The following TMED3 variants were observed in gnomAD, a reference collection of about 807,000 sequenced individuals.
The protein encoded by TMED3 is transmembrane p24 trafficking protein 3.
TMED3 carries 9 observed loss-of-function variants against 15.0 expected under a neutral mutation model. The observed-to-expected ratio is 0.60, with a 90% CI of 0.36 to 1.04. The LOEUF is 1.04. Among genes scored for constraint, TMED3 ranks in the 50% least tolerant of loss-of-function variants. TMED3 has a pLI of 0.01. For synonymous variants in TMED3, 117 were observed against 121.4 expected (o/e 0.96, Z 0.24); for missense variants, 267 against 278.9 (o/e 0.96, Z 0.30).
At chr15:79,325,936 T>C (rs1019157515), downstream of TMED3, among the ~76,000 whole-genome samples, 2 of 152,140 alleles carry the variant, frequency 1.3e-5, no homozygotes, top group African/African-American at 2.4e-5. Context: ...CCCACCCACA[T>C]TGAGGGTAGG....
At chr15:79,402,515 C>A (rs115471849) in intron 2 of TMED3, among the ~76,000 whole-genome samples, 3,426 of 152,264 alleles carry the variant, frequency 0.023, 142 homozygotes, top group African/African-American at 0.079. Flanking sequence ...CACAGGGGCT[C>A]ACACCTGTAA....
intron 2 of TMED3, among the ~76,000 whole-genome samples, chr15:79,316,627 G>A (rs936581552): frequency 6.6e-6 from 1 of 152,162 alleles, no homozygotes; most frequent in Non-Finnish European, 1.5e-5. Flanking sequence ...GGATGTCAGC[G>A]TGGAGATGGA....
chr15:79,335,950 A>G (rs1277733235), intron 2 of TMED3, among the ~76,000 whole-genome samples: 2 of 152,118 alleles, frequency 1.3e-5, no homozygotes, highest in African/African-American at 4.8e-5. Flanking sequence ...GGAACCATTA[A>G]TACTCCCATC....
In TMED3 at chr15:79,322,369, C is replaced by T. The variant is rs901081032; in HGVS notation, c.*155C>T. The stretch of plus-strand genomic sequence containing the variant: ...TTCATGCCCATGCTTGATTCTTGCA[C>T]CTCAGCAGCTGAAGGTCTCAGAGAC... On this transcript the variant is annotated 3_prime_UTR_variant, in exon 3 of 3. Transcript: ENST00000299705. 4.1e-6 allele frequency: 6 copies of T among 1,455,098 alleles called. No homozygotes were observed. The Admixed American group carries it at 1.6e-4, about 39-fold the overall frequency. 90.1% of individuals were successfully genotyped at this position (1,455,098 alleles called of 1,614,324 possible). A position where few individuals can be genotyped will look rare whatever the true frequency, so the allele number is the denominator to read the frequency against.
chr15:79,368,806 G>C (rs1419615286), intron 2 of TMED3, among the ~76,000 whole-genome samples: 1 of 151,918 alleles, frequency 6.6e-6, no homozygotes. Context: ...GCAAATATAA[G>C]GCTGGGCACA....
downstream of TMED3, among the ~76,000 whole-genome samples, chr15:79,325,604 C>T (rs1014821883): frequency 1.3e-5 from 2 of 152,154 alleles, no homozygotes; most frequent in African/African-American, 4.8e-5. Context: ...CTCACACGAT[C>T]ACAAGGTGAA....
At chr15:79,399,992 C>T (rs1018192) in intron 2 of TMED3, among the ~76,000 whole-genome samples, 1 of 152,010 alleles carries the variant, frequency 6.6e-6, no homozygotes, top group Non-Finnish European at 1.5e-5. Flanking sequence ...TTGCTGTCCA[C>T]AACCCCTGTC....
intron 2 of TMED3, among the ~76,000 whole-genome samples, chr15:79,350,159 T>G (rs987884167): frequency 5.3e-5 from 8 of 152,190 alleles, no homozygotes; most frequent in Non-Finnish European, 1.0e-4. Flanking sequence ...GATGGATAGA[T>G]GGCTGTGCGG....
At chr15:79,397,877 A>G (rs1397033109) in intron 2 of TMED3, among the ~76,000 whole-genome samples, 1 of 152,166 alleles carries the variant, frequency 6.6e-6, no homozygotes, top group Non-Finnish European at 1.5e-5. Context: ...TGAAAAATAC[A>G]GTTTCCATAT....
At position 79,322,262 on chromosome 15, in the gene TMED3, T is replaced by A. The variant is rs1331056752; in HGVS notation, c.*48T>A. The stretch of plus-strand genomic sequence containing the variant: ...CCCTCATGCCCCAGGCTGGAGCAGC[T>A]CTCCTAGGTCACAGCCTGCTGGGCT... On this transcript the variant is annotated 3_prime_UTR_variant, in exon 3 of 3. Coordinates refer to ENST00000299705, the MANE Select transcript of TMED3 (RefSeq NM_007364.4). The A allele has an allele frequency of 2.5e-6, 4 of 1,576,236 alleles. No homozygotes were observed. The highest frequency in any genetic ancestry group is 3.4e-6 in the Non-Finnish European group (4 of 1,159,556).
At chr15:79,323,191 T>C (rs1567023639), downstream of TMED3, among the ~76,000 whole-genome samples, 1 of 152,208 alleles carries the variant, frequency 6.6e-6, no homozygotes, top group African/African-American at 2.4e-5. Context: ...AAGATGGTAC[T>C]GTCTCACTTG....
intron 2 of TMED3, among the ~76,000 whole-genome samples, chr15:79,333,984 T>G (rs998406721): frequency 1.3e-5 from 2 of 152,144 alleles, no homozygotes; most frequent in African/African-American, 4.8e-5. Flanking sequence ...TTGATAAGAT[T>G]ATCACAAATC....
rs74951812 is a variant in TMED3 at position 79,385,122 on chromosome 15, C to T, written c.418-26278C>T. 9.2e-3 allele frequency among the ~76,000 whole-genome samples: 1,395 copies of T among 152,294 alleles called. 8 individuals are homozygous for T. The highest frequency in any genetic ancestry group is 0.015 in the Non-Finnish European group (1,010 of 68,010). On this transcript the variant is annotated intron_variant, in intron 2 of 2. Transcript: ENST00000424155. ...ACCCTGGAAAAACATGCTTCTCCCA[C>T]GGATCTTTGCAACCTGTGGATCAAG...
At chr15:79,407,159 C>G (rs1315703062) in intron 2 of TMED3, among the ~76,000 whole-genome samples, 1 of 152,174 alleles carries the variant, frequency 6.6e-6, no homozygotes, top group East Asian at 1.9e-4. Context: ...CAAGGCAGAC[C>G]CAGTGTCTCA....
intron 2 of TMED3, among the ~76,000 whole-genome samples, chr15:79,396,284 A>G (rs897405911): frequency 6.6e-6 from 1 of 152,220 alleles, no homozygotes; most frequent in Non-Finnish European, 1.5e-5. Context: ...CCATTTAATT[A>G]TGCTTGCAGA....
chr15:79,408,857 C>T (rs988670200), intron 2 of TMED3, among the ~76,000 whole-genome samples: 2 of 152,202 alleles, frequency 1.3e-5, no homozygotes, highest in Non-Finnish European at 2.9e-5. Context: ...TTTCCCAGGG[C>T]AGAGAAGAAG....
chr15:79,352,493 G>A (rs1036246602), intron 2 of TMED3, among the ~76,000 whole-genome samples: 1 of 151,950 alleles, frequency 6.6e-6, no homozygotes, highest in African/African-American at 2.4e-5. Context: ...AAGCTGGGGA[G>A]AGCTAAGAGG....
chr15:79,380,373 T>A (rs1893501409), intron 2 of TMED3, among the ~76,000 whole-genome samples: 1 of 149,096 alleles, frequency 6.7e-6, no homozygotes, highest in African/African-American at 2.5e-5. Flanking sequence ...TAGAGAGAGT[T>A]ATACACATAT....
At chr15:79,385,695 C>T (rs892337098) in intron 2 of TMED3, among the ~76,000 whole-genome samples, 6 of 152,166 alleles carry the variant, frequency 3.9e-5, no homozygotes, top group Non-Finnish European at 7.4e-5. Context: ...GGCTCAGATC[C>T]ACAGCCACAG....
Sources: allele counts gnomAD v4.1 joint callset (sites outside exome capture counted in the v4.1 genomes callset), GRCh38; gene constraint gnomAD v4.1.1; transcripts MANE v1.5; gene names NCBI Gene and HGNC (gene_info 2026-07-23, HGNC 2026-07-21).